Variants in PIEZO2 observed in about 807,000 individuals in gnomAD.
PIEZO2 encodes piezo-type mechanosensitive ion channel component 2.
Under a neutral mutation model 337.3 loss-of-function variants are expected in PIEZO2, and 172 were observed. The ratio of observed to expected loss-of-function variants is 0.51; its 90% CI spans 0.45 to 0.58. The LOEUF (loss-of-function observed/expected upper bound fraction) is 0.58. Ranked by LOEUF, PIEZO2 falls within the 20% of genes least tolerant of loss-of-function variation. PIEZO2 has a pLI of 0.00. For missense variants in PIEZO2, 3,028 were observed against 3,391.3 expected, an observed-to-expected ratio of 0.89 and a Z score of 2.66; for synonymous variants, 1,251 against 1,228.5, an observed-to-expected ratio of 1.02 and a Z score of -0.38.
intron 3 of PIEZO2, among the ~76,000 whole-genome samples, chr18:10,972,542 A>T (rs138527791): frequency 8.5e-4 from 130 of 152,248 alleles, no homozygotes; most frequent in African/African-American, 3.0e-3. Context: ...GTCACTAAAG[A>T]CACACATCAC....
At chr18:10,814,220 T>C (rs576564830) in intron 7 of PIEZO2, among the ~76,000 whole-genome samples, 42 of 152,098 alleles carry the variant, frequency 2.8e-4, no homozygotes, top group East Asian at 1.7e-3. Flanking sequence ...CTGCCCGCCT[T>C]GGCCTCCCAA....
chr18:10,869,963 C>T (rs1219219426), intron 5 of PIEZO2, among the ~76,000 whole-genome samples: 1 of 151,498 alleles, frequency 6.6e-6, no homozygotes, highest in African/African-American at 2.4e-5. Context: ...GCAACCTCTA[C>T]CTCCTGAGTT....
intron 3 of PIEZO2, among the ~76,000 whole-genome samples, chr18:10,925,043 C>T (rs959823056): frequency 2.0e-5 from 3 of 152,070 alleles, no homozygotes; most frequent in African/African-American, 7.2e-5. Flanking sequence ...AAAGTTCAGA[C>T]AAAAGACCAT....
chr18:10,963,365 A>G (rs1415813583), intron 3 of PIEZO2, among the ~76,000 whole-genome samples: 1 of 152,112 alleles, frequency 6.6e-6, no homozygotes, highest in Non-Finnish European at 1.5e-5. Context: ...AGTGGCATTT[A>G]CTCTCTGGAC....
chr18:10,755,929 G>A (rs1261339833), intron 27 of PIEZO2, among the ~76,000 whole-genome samples: 4 of 151,282 alleles, frequency 2.6e-5, no homozygotes, highest in Non-Finnish European at 4.4e-5. Context: ...AGGGATGGGG[G>A]ATAAGGATGA....
chr18:10,871,912 G>A (rs1353165603), intron 4 of PIEZO2, among the ~76,000 whole-genome samples: 1 of 152,144 alleles, frequency 6.6e-6, no homozygotes, highest in East Asian at 1.9e-4. Context: ...CAAGAAAGGT[G>A]GATCCAGTAC....
chr18:10,696,073 C>T lies in PIEZO2; in HGVS notation c.7190+1G>A, dbSNP rs2143679715. On this transcript the variant is annotated splice_donor_variant, in intron 47 of 55. Transcript: ENST00000674853. LOFTEE classifies it high-confidence loss of function. ...GTGCCTCTGGCTTCTGAAGACCTTA[C>T]CTCTCAGTCACACCAGGTAAGATGA... 6.2e-7 allele frequency: 1 copy of T among 1,612,934 alleles called. No individual in the cohort carries two copies. Among genetic ancestry groups the T allele is most frequent in the Non-Finnish European group, 8.5e-7 (1 of 1,178,914 alleles).
At chr18:11,085,691 A>G (rs2038883466) in intron 1 of PIEZO2, among the ~76,000 whole-genome samples, 1 of 152,130 alleles carries the variant, frequency 6.6e-6, no homozygotes, top group Non-Finnish European at 1.5e-5. Flanking sequence ...CTTCTCCCTT[A>G]TCTATTAAGG....
chr18:10,932,380 A>G (rs1433885890), intron 3 of PIEZO2, among the ~76,000 whole-genome samples: 1 of 152,186 alleles, frequency 6.6e-6, no homozygotes, highest in Non-Finnish European at 1.5e-5. Context: ...TGGGTGACAG[A>G]GGAAGACTGT....
chr18:10,828,009 G>A lies in PIEZO2; in HGVS notation c.918-20735C>T, dbSNP rs1432341802. Among the ~76,000 whole-genome samples, 23 of 152,246 alleles carry A rather than the reference G, an allele frequency of 1.5e-4. No homozygotes were observed. Among genetic ancestry groups the A allele is most frequent in the Non-Finnish European group, 1.3e-4 (9 of 68,014 alleles). On this transcript the variant is annotated intron_variant, in intron 7 of 55. Transcript: ENST00000674853. This position sits in a 1 kb window ranked among gnomAD's most constrained non-coding sequence, Gnocchi z 4.1. ...ACAAAAGTCACCCCCAGGTCACTAG[G>A]TTGATGGAGATTTTATAAGCAAAAG...
rs1389128046 is a variant in PIEZO2, at chr18:10,676,830, A to G, written c.8081+917T>C. On this transcript the variant is annotated intron_variant, in intron 53 of 55. Transcript: ENST00000674853. This position sits in a 1 kb window ranked among gnomAD's most constrained non-coding sequence, Gnocchi z 5.1. ...ACCCACGATCGGGTGGCAGACATGA[A>G]TGACAAGAGGCCTGAATCATTTTAG... Among the ~76,000 whole-genome samples, 5 of 152,206 alleles carry G rather than the reference A, an allele frequency of 3.3e-5. No homozygotes were observed. The highest frequency in any genetic ancestry group is 7.3e-5 in the Non-Finnish European group (5 of 68,046).
At position 10,762,513 on chromosome 18, in the gene PIEZO2, A is replaced by C. The variant is rs892712364; in HGVS notation, c.3236T>G (p.Leu1079Arg). 1 of 1,537,158 alleles carries C rather than the reference A, an allele frequency of 6.5e-7. No individual in the cohort carries two copies. Among genetic ancestry groups the C allele is most frequent in the African/African-American group, 1.4e-5 (1 of 73,052 alleles). ...CAAAGCCATTACCCTCAGGTAGACT[A>C]GCAGAGGCGAAGACTTCCGCAGGCC... ...WVGLRKSSPL[L>R]VYLRNNLLML... The change falls in exon 23 of 56, where the codon CTA (leucine) becomes CGA (arginine). Residue 1079 changes from leucine to arginine, a missense_variant. Transcript: ENST00000674853.
intron 10 of PIEZO2, among the ~76,000 whole-genome samples, chr18:10,801,073 T>C (rs1478064301): frequency 1.3e-5 from 2 of 152,232 alleles, no homozygotes; most frequent in Non-Finnish European, 2.9e-5. Flanking sequence ...ATTTTTGAGA[T>C]AAACATAACA....
chr18:10,773,430 C>G lies in PIEZO2; in HGVS notation c.2767G>C (p.Glu923Gln), dbSNP rs2038673772. 1 of 1,537,366 alleles carries G rather than the reference C, an allele frequency of 6.5e-7. No homozygotes were observed. The highest frequency in any genetic ancestry group is 8.7e-7 in the Non-Finnish European group (1 of 1,146,952). The change falls in exon 20 of 56, where the codon GAG becomes CAG. Residue 923 changes from glutamate (E) to glutamine (Q), a missense_variant. Coordinates refer to ENST00000674853, the MANE Select transcript of PIEZO2 (RefSeq NM_001378183.1). This position sits in a 1 kb window ranked among gnomAD's most constrained non-coding sequence, Gnocchi z 5.3. ...TGATTACCTGATGTTTCTTCCTCCT[C>G]CTCGGATTCCTCCTCTTCCTCTCCG... ...EDGEEEEESE[E>Q]EEETSDLRNK...
intron 3 of PIEZO2, among the ~76,000 whole-genome samples, chr18:10,963,702 A>G (rs2145395354): frequency 6.6e-6 from 1 of 152,250 alleles, no homozygotes; most frequent in Admixed American, 6.5e-5. Flanking sequence ...AACAAAAGCT[A>G]TTTGTCAGTG....
intron 16 of PIEZO2, among the ~76,000 whole-genome samples, chr18:10,785,294 G>T (rs1314269128): frequency 6.6e-6 from 1 of 151,948 alleles, no homozygotes; most frequent in Non-Finnish European, 1.5e-5. Context: ...TTTTCTATTG[G>T]ACCTCTAGAG....
intron 3 of PIEZO2, among the ~76,000 whole-genome samples, chr18:10,939,144 G>A (rs2032574132): frequency 1.3e-5 from 2 of 152,158 alleles, no homozygotes; most frequent in Admixed American, 1.3e-4. Context: ...AAAAGTGGGA[G>A]TTTTCATAAA....
chr18:11,143,961 T>C lies in PIEZO2; in HGVS notation c.64+4564A>G, dbSNP rs537057016. ...AACAAAACCATAATAGAATATGTTA[T>C]TTACCATTTTACAGAAAGAAAAGAG... On this transcript the variant is annotated intron_variant, in intron 1 of 55. Coordinates refer to ENST00000674853, the MANE Select transcript of PIEZO2 (RefSeq NM_001378183.1). The surrounding 1 kb of genome is among the most constrained non-coding windows in gnomAD (Gnocchi z 4.9). Among the ~76,000 whole-genome samples, 2 of 152,274 alleles carry C rather than the reference T, an allele frequency of 1.3e-5. No individual in the cohort carries two copies. The highest frequency in any genetic ancestry group is 2.4e-5 in the African/African-American group (1 of 41,546).
At chr18:10,910,969 T>C (rs993343551) in intron 4 of PIEZO2, among the ~76,000 whole-genome samples, 12 of 151,522 alleles carry the variant, frequency 7.9e-5, no homozygotes, top group African/African-American at 2.9e-4. Flanking sequence ...TGCCCCATTC[T>C]ATCTTTATTT....
Sources: gnomAD v4.1 joint callset for allele counts (sites outside exome capture counted in the v4.1 genomes callset) on GRCh38, gnomAD v4.1.1 for gene constraint, Gnocchi (gnomAD v3.1) non-coding constraint, MANE v1.5 for transcripts, NCBI Gene and HGNC (gene_info 2026-07-23, HGNC 2026-07-21) for gene names.